The following CSMD1 variants were observed in gnomAD, a reference collection of about 807,000 sequenced individuals.
CSMD1 encodes CUB and sushi domain-containing protein 1.
Under a neutral mutation model 417.5 loss-of-function variants are expected in CSMD1, and 213 were observed. The observed-to-expected ratio is 0.51, with a 90% CI of 0.46 to 0.57. CSMD1 has a LOEUF of 0.57. Among genes scored for constraint, CSMD1 ranks in the 20% least tolerant of loss-of-function variants. CSMD1 has a pLI of 0.00. For synonymous variants in CSMD1, 2,862 were observed against 1,736.8 expected (o/e 1.65, Z -16.11); for missense variants, 6,923 against 4,529.7 (o/e 1.53, Z -15.17).
At chr8:4,832,481 A>G (rs762563991) in intron 1 of CSMD1, among the ~76,000 whole-genome samples, 3 of 152,200 alleles carry the variant, frequency 2.0e-5, no homozygotes, top group African/African-American at 7.2e-5. Flanking sequence ...GTTCATGTAA[A>G]TAAGTAAGGG....
At chr8:4,578,197 G>C (rs1181895320) in intron 2 of CSMD1, among the ~76,000 whole-genome samples, 1 of 152,054 alleles carries the variant, frequency 6.6e-6, no homozygotes, top group Non-Finnish European at 1.5e-5. Context: ...GTCTCGCTCT[G>C]TTGCCCACGC....
At chr8:2,996,095 G>A (rs1806872037) in intron 54 of CSMD1, among the ~76,000 whole-genome samples, 1 of 152,030 alleles carries the variant, frequency 6.6e-6, no homozygotes, top group Non-Finnish European at 1.5e-5. Context: ...GTGCCTGCCT[G>A]GGAATCTACA....
intron 43 of CSMD1, 142 bp from the exon 44 acceptor site, chr8:3,108,890 A>T: frequency 1.2e-6 from 1 of 837,882 alleles, no homozygotes; most frequent in African/African-American, 1.7e-5. Flanking sequence ...GTAAACATCA[A>T]GATGTTGAAT....
At chr8:3,496,729 G>C (rs547958402) in intron 10 of CSMD1, among the ~76,000 whole-genome samples, 7 of 152,078 alleles carry the variant, frequency 4.6e-5, no homozygotes, top group Non-Finnish European at 7.4e-5. Flanking sequence ...GGGAAGCTGA[G>C]GCAGGAGAAT....
intron 2 of CSMD1, among the ~76,000 whole-genome samples, chr8:4,599,836 T>G (rs1353622069): frequency 6.6e-6 from 1 of 152,198 alleles, no homozygotes; most frequent in Non-Finnish European, 1.5e-5. Context: ...CTCCTACATA[T>G]GCAAATGATC....
At chr8:3,255,710 A>T (rs1025118497) in intron 26 of CSMD1, among the ~76,000 whole-genome samples, 1 of 152,086 alleles carries the variant, frequency 6.6e-6, no homozygotes, top group Non-Finnish European at 1.5e-5. Context: ...TGCTAAGCCC[A>T]TTGGGAAAGT....
chr8:3,177,778 T>A (rs58002274), intron 37 of CSMD1, among the ~76,000 whole-genome samples: 3 of 152,210 alleles, frequency 2.0e-5, no homozygotes, highest in East Asian at 3.9e-4. Flanking sequence ...GCCACCTTGT[T>A]GGCCAGCAGT....
At chr8:4,043,922 T>C (rs1798019287) in intron 3 of CSMD1, among the ~76,000 whole-genome samples, 1 of 152,152 alleles carries the variant, frequency 6.6e-6, no homozygotes, top group African/African-American at 2.4e-5. Flanking sequence ...TATAGACCTA[T>C]GATATTTCCA....
At chr8:3,518,848 G>A (rs375763711) in intron 10 of CSMD1, among the ~76,000 whole-genome samples, 2 of 151,948 alleles carry the variant, frequency 1.3e-5, no homozygotes, top group Admixed American at 6.6e-5. Context: ...TATTCACATC[G>A]CCAGTCATAC....
intron 3 of CSMD1, among the ~76,000 whole-genome samples, chr8:4,224,516 C>T (rs1193144911): frequency 2.0e-5 from 3 of 152,266 alleles, no homozygotes; most frequent in Non-Finnish European, 4.4e-5. Context: ...TAAATGCCCT[C>T]TTCGCCTAAG....
At position 4,647,045 on chromosome 8, in the gene CSMD1, G is replaced by T. The variant is rs141676990; in HGVS notation, c.86-9487C>A. Reference sequence around the variant, plus strand: ...GGCCCTCCTCTAGGCCATCCAAAGTGAGGCCAAGATGGCAGCAAAGTCAGT... The same window carrying T: ...GGCCCTCCTCTAGGCCATCCAAAGTTAGGCCAAGATGGCAGCAAAGTCAGT... On this transcript the variant is annotated intron_variant, in intron 1 of 69. Transcript: ENST00000635120. Among the ~76,000 whole-genome samples the T allele has an allele frequency of 2.0e-3, 307 of 152,214 alleles. 1 individual carries two copies. Among genetic ancestry groups the T allele is most frequent in the African/African-American group, 7.2e-3 (297 of 41,512 alleles).
intron 1 of CSMD1, among the ~76,000 whole-genome samples, chr8:4,720,623 G>T (rs1212026511): frequency 6.6e-6 from 1 of 152,108 alleles, no homozygotes; most frequent in Non-Finnish European, 1.5e-5. Context: ...CACCATGTTG[G>T]CCAGGCTGCT....
chr8:4,227,226 A>G (rs1192593912), intron 3 of CSMD1, among the ~76,000 whole-genome samples: 2 of 152,116 alleles, frequency 1.3e-5, no homozygotes, highest in Non-Finnish European at 2.9e-5. Context: ...GCATGACCCG[A>G]TGAGAATCAT....
intron 29 of CSMD1, among the ~76,000 whole-genome samples, chr8:3,218,566 TA>T (rs932288704): frequency 3.5e-4 from 44 of 126,604 alleles, no homozygotes; most frequent in South Asian, 5.1e-4. Flanking sequence ...ATCTCAAAAA[TA>T]AAAAAAAAAA....
intron 57 of CSMD1, among the ~76,000 whole-genome samples, chr8:2,972,190 G>C (rs1044912488): frequency 1.3e-5 from 2 of 152,014 alleles, no homozygotes; most frequent in African/African-American, 4.8e-5. Context: ...TATATAGAAT[G>C]TATAATACAA....
intron 5 of CSMD1, among the ~76,000 whole-genome samples, chr8:3,900,417 G>A (rs908216562): frequency 6.6e-6 from 1 of 151,962 alleles, no homozygotes; most frequent in Non-Finnish European, 1.5e-5. Flanking sequence ...CAGGGCAGCT[G>A]GGTGACAGTG....
rs147513124 is a variant in CSMD1 at position 4,574,857 on chromosome 8, C to T, written c.302+62485G>A. On this transcript the variant is annotated intron_variant, in intron 2 of 69. Coordinates refer to ENST00000635120, the MANE Select transcript of CSMD1 (RefSeq NM_033225.6). The stretch of plus-strand genomic sequence containing the variant: ...ATCTTTCATGATTCAAGTGCTTCTT[C>T]GTCCAAAATTTAATTTAAATAGACT... Among the ~76,000 whole-genome samples the T allele has an allele frequency of 1.5e-3, 229 of 152,254 alleles. 1 individual carries two copies. Among genetic ancestry groups the T allele is most frequent in the African/African-American group, 5.1e-3 (214 of 41,554 alleles).
At chr8:3,366,998 C>T (rs776531487) in intron 20 of CSMD1, 34 bp downstream of exon 20, 3 of 1,521,582 alleles carry the variant, frequency 2.0e-6, no homozygotes, top group South Asian at 2.3e-5. Context: ...GTATTGTTGC[C>T]AGAGGAGAGA....
chr8:4,012,287 T>A (rs1477834211), intron 4 of CSMD1, among the ~76,000 whole-genome samples: 1 of 152,180 alleles, frequency 6.6e-6, no homozygotes, highest in Non-Finnish European at 1.5e-5. Context: ...TGAGTCATCA[T>A]GCCAGTTTCA....
Sources: allele counts gnomAD v4.1 joint callset (sites outside exome capture counted in the v4.1 genomes callset), GRCh38; gene constraint gnomAD v4.1.1; transcripts MANE v1.5; gene names NCBI Gene and HGNC (gene_info 2026-07-23, HGNC 2026-07-21).